Variants in NMRAL1 observed in about 807,000 individuals in gnomAD.
NMRAL1 encodes the protein NmrA like redox sensor 1.
In NMRAL1, 32 loss-of-function variants were observed where a neutral mutation model predicts 27.5. The observed-to-expected ratio is 1.16, with a 90% confidence interval of 0.88 to 1.56. The LOEUF is 1.56. Ranked by LOEUF, NMRAL1 falls within the 40% of genes most tolerant of loss-of-function variation. The probability of loss-of-function intolerance (pLI) is 0.00; values close to 1 mark genes in which losing one functional copy is unlikely to be tolerated. For missense variants in NMRAL1, 420 were observed against 392.0 expected (o/e 1.07, Z -0.60); for synonymous variants, 166 against 166.8 (o/e 1.00, Z 0.04).
intron 4 of NMRAL1, chr16:4,464,067 G>A: frequency 1.8e-6 from 1 of 546,780 alleles, no homozygotes; most frequent in Non-Finnish European, 3.2e-6. Flanking sequence ...CTGCCACCTA[G>A]GGCAGGCTGT....
rs868701951 is a variant in NMRAL1 at position 4,463,800 on chromosome 16, C to A, written c.580G>T (p.Gly194Cys). The A allele has an allele frequency of 3.8e-5, 62 of 1,613,952 alleles. No individual in the cohort carries two copies. The highest frequency in any genetic ancestry group is 4.9e-5 in the Non-Finnish European group (58 of 1,180,034). The change falls in exon 5 of 6, where the codon GGT (glycine) becomes TGT (cysteine). Residue 194 changes from glycine to cysteine, a missense_variant. Gly to Cys is a radical substitution (Grantham distance 159, BLOSUM62 -3). Transcript: ENST00000283429. ...TTCAAAAGGCTGAGCACCACAGGAC[C>A]CAGGTCAGACACGGACATGCCATCC... ...PMDGMSVSDL[G>C]PVVLSLLKMP... is the part of the protein sequence containing the mutation.
intron 3 of NMRAL1, among the ~76,000 whole-genome samples, chr16:4,468,595 G>A (rs1001641652): frequency 2.8e-5 from 4 of 142,732 alleles, no homozygotes; most frequent in Admixed American, 1.5e-4. Context: ...CGGCCTGGGC[G>A]ACAGAGCAAG....
intron 2 of NMRAL1, among the ~76,000 whole-genome samples, chr16:4,473,673 T>C (rs2057690465): frequency 6.6e-6 from 1 of 152,092 alleles, no homozygotes; most frequent in South Asian, 2.1e-4. Flanking sequence ...ATGCCTGTAA[T>C]ACCTGCACTT....
At chr16:4,472,973 CTT>C (rs768092791) in intron 2 of NMRAL1, among the ~76,000 whole-genome samples, 34 of 119,674 alleles carry the variant, frequency 2.8e-4, no homozygotes, top group Admixed American at 5.1e-4. Flanking sequence ...TCATGGAGTT[CTT>C]TTTTTTTTTT....
chr16:4,471,629 A>C (rs1854806790), intron 2 of NMRAL1, among the ~76,000 whole-genome samples: 1 of 151,590 alleles, frequency 6.6e-6, no homozygotes, highest in African/African-American at 2.4e-5. Context: ...CAAAAAAAAA[A>C]AAAAAAAAAA....
intron 4 of NMRAL1, chr16:4,464,376 A>T (rs1044349053): frequency 6.4e-6 from 1 of 155,608 alleles, no homozygotes; most frequent in African/African-American, 2.4e-5. Flanking sequence ...GGCCTAGAGC[A>T]GCACGTCCAT....
chr16:4,466,794 G>C (rs950879191), intron 3 of NMRAL1: 2 of 226,458 alleles, frequency 8.8e-6, no homozygotes, highest in African/African-American at 4.5e-5. Flanking sequence ...AGGCACCACA[G>C]CTGCCTAGGT....
intron 2 of NMRAL1, among the ~76,000 whole-genome samples, chr16:4,473,606 ATAAGT>A (rs1011732951): frequency 6.6e-5 from 10 of 152,274 alleles, no homozygotes; most frequent in South Asian, 4.1e-4. Context: ...TCCTATTCAA[ATAAGT>A]TAAGTAACTC....
rs201897065 is a variant in NMRAL1 at position 4,463,721 on chromosome 16, G to A, written c.659C>T (p.Thr220Met). The stretch of plus-strand genomic sequence containing the variant: ...GAGCAGGGCAGCGTACTCCTCGGCC[G>A]TGTGCCTGCAAGTGCTCAGCCCGAT... The part of the protein sequence containing the change: ...QNIGLSTCRH[T>M]AEEYAALLTK... Residue 220 changes from threonine to methionine, a missense_variant, in exon 5 of 6, where the codon ACG becomes ATG. Thr to Met is a moderately conservative substitution (Grantham distance 81). Transcript: ENST00000283429. The A allele has an allele frequency of 2.1e-4, 339 of 1,614,034 alleles. 2 individuals carry two copies. In the East Asian group the frequency reaches 6.3e-3, roughly 30 times the overall value.
At chr16:4,472,707 G>A (rs916750391) in intron 2 of NMRAL1, among the ~76,000 whole-genome samples, 5 of 148,294 alleles carry the variant, frequency 3.4e-5, no homozygotes, top group Admixed American at 2.7e-4. Flanking sequence ...TCACGCCACT[G>A]CACTGCTGCC....
chr16:4,475,320 T>A (rs561001260), upstream of NMRAL1, among the ~76,000 whole-genome samples: 22 of 151,692 alleles, frequency 1.5e-4, no homozygotes, highest in Non-Finnish European at 2.5e-4. Flanking sequence ...GTTTTTTGTT[T>A]TCAAGGTGGA....
chr16:4,470,098 G>T (rs1481355341), intron 2 of NMRAL1, among the ~76,000 whole-genome samples: 1 of 146,868 alleles, frequency 6.8e-6, no homozygotes, highest in Admixed American at 6.9e-5. Flanking sequence ...GGAGGCGGAG[G>T]TTGCAGTGAG....
intron 2 of NMRAL1, among the ~76,000 whole-genome samples, chr16:4,472,440 C>G (rs905971016): frequency 4.5e-4 from 69 of 152,000 alleles, no homozygotes; most frequent in African/African-American, 1.4e-3. Flanking sequence ...GAAACTCTGT[C>G]TTAAAAATAA....
chr16:4,474,108 C>T lies in NMRAL1; in HGVS notation c.25G>A (p.Val9Ile). The T allele has an allele frequency of 6.2e-7, 1 of 1,612,510 alleles. No homozygotes were observed. The highest frequency in any genetic ancestry group is 8.5e-7 in the Non-Finnish European group (1 of 1,179,242). Residue 9 changes from valine (V) to isoleucine (I), a missense_variant, in exon 2 of 6, where the codon GTT becomes ATT. By Grantham distance (29) the Val-to-Ile change is conservative. Coordinates refer to ENST00000283429, the MANE Select transcript of NMRAL1 (RefSeq NM_020677.6). MVDKKLVV[V>I]FGGTGAQGGS... is the part of the protein sequence containing the mutation. ...TTTGGCTCACCTGTGCCTCCGAAAA[C>T]CACCACCAGTTTCTTGTCCACCATG...
chr16:4,467,827 C>T (rs2057386885), intron 3 of NMRAL1, among the ~76,000 whole-genome samples: 1 of 151,778 alleles, frequency 6.6e-6, no homozygotes, highest in South Asian at 2.1e-4. Context: ...ACTGTGTTGG[C>T]CAGGATGGTC....
intron 1 of NMRAL1, 164 bp downstream of exon 1, chr16:4,474,390 C>A: frequency 2.1e-6 from 1 of 481,014 alleles, no homozygotes; most frequent in Non-Finnish European, 3.8e-6. Flanking sequence ...CAGTCACCCG[C>A]CCCCCGGCCC....
chr16:4,463,938 C>T (rs1567346659), intron 4 of NMRAL1, 88 bp from the exon 5 acceptor site: 1 of 1,123,534 alleles, frequency 8.9e-7, no homozygotes, highest in Non-Finnish European at 1.3e-6. Flanking sequence ...CAAGCTGGTT[C>T]TTCCCAGCAG....
Position 4,461,716 on chromosome 16 carries a change from A to C in NMRAL1, c.*64T>G. Reference sequence around the variant, plus strand: ...ATCTGGGAGAACAATGGCTTTATTCAGATGTTGGTGCCTCTGCCCCTCTGG... The same window carrying C: ...ATCTGGGAGAACAATGGCTTTATTCCGATGTTGGTGCCTCTGCCCCTCTGG... On this transcript the variant is annotated 3_prime_UTR_variant, in exon 6 of 6. Coordinates refer to ENST00000283429, the MANE Select transcript of NMRAL1 (RefSeq NM_020677.6). 1 of 1,438,738 alleles carries C rather than the reference A, an allele frequency of 7.0e-7. No individual in the cohort carries two copies. Among genetic ancestry groups the C allele is most frequent in the Non-Finnish European group, 9.5e-7 (1 of 1,057,074 alleles). The allele number at this position is 1,438,738 out of a possible 1,614,324, so 89.1% of individuals were successfully genotyped here.
chr16:4,463,759 G>A lies in NMRAL1; in HGVS notation c.621C>T (p.Tyr207=), dbSNP rs751196029. 43 of 1,613,932 alleles carry A rather than the reference G, an allele frequency of 2.7e-5. No individual in the cohort carries two copies. Among genetic ancestry groups the A allele is most frequent in the South Asian group, 3.3e-5 (3 of 91,086 alleles). Residue 207 remains tyrosine, a synonymous_variant, in exon 5 of 6, where the codon TAC becomes TAT. Coordinates refer to ENST00000283429, the MANE Select transcript of NMRAL1 (RefSeq NM_020677.6). Reference sequence around the variant, plus strand: ...TGCTCAGCCCGATGTTCTGGCCGACGTATTTTTCTGGCATCTTCAAAAGGC... The same window carrying A: ...TGCTCAGCCCGATGTTCTGGCCGACATATTTTTCTGGCATCTTCAAAAGGC... ...VLSLLKMPEK[Y]VGQNIGLSTC...
Sources: gnomAD v4.1 joint callset for allele counts (sites outside exome capture counted in the v4.1 genomes callset) on GRCh38, gnomAD v4.1.1 for gene constraint, MANE v1.5 for transcripts, NCBI Gene and HGNC (gene_info 2026-07-23, HGNC 2026-07-21) for gene names.